The following NEBL variants were observed in gnomAD, a reference collection of about 807,000 sequenced individuals.
NEBL encodes the protein nebulette, also known as LIM and SH3 protein 2.
Under a neutral mutation model 140.2 loss-of-function variants are expected in NEBL, and 122 were observed. That is an observed-to-expected ratio of 0.87 (90% CI 0.75 to 1.01). The LOEUF is 1.01. Ranked by LOEUF, NEBL falls within the 50% of genes least tolerant of loss-of-function variation. NEBL has a pLI of 0.00. For synonymous variants in NEBL, 436 were observed against 398.9 expected, an observed-to-expected ratio of 1.09 and a Z score of -1.11; for missense variants, 1,365 against 1,231.3, an observed-to-expected ratio of 1.11 and a Z score of -1.62.
intron 3 of NEBL, among the ~76,000 whole-genome samples, chr10:21,225,072 C>T (rs1842125603): frequency 6.6e-6 from 1 of 152,100 alleles, no homozygotes; most frequent in Non-Finnish European, 1.5e-5. Context: ...GAATCCTTGT[C>T]ATGTTCCAGA....
chr10:21,258,282 G>A (rs189953502), intron 1 of NEBL, among the ~76,000 whole-genome samples: 73 of 152,276 alleles, frequency 4.8e-4, no homozygotes, highest in African/African-American at 1.7e-3. Context: ...GAAAACAGAG[G>A]TTGAGGCTGG....
chr10:20,811,171 G>C (rs1159651996), intron 24 of NEBL, among the ~76,000 whole-genome samples: 2 of 152,176 alleles, frequency 1.3e-5, no homozygotes, highest in Non-Finnish European at 2.9e-5. Context: ...CTGACTTCTG[G>C]ATTGCCAAGT....
intron 2 of NEBL, among the ~76,000 whole-genome samples, chr10:21,135,591 T>G (rs1281129861): frequency 6.6e-6 from 1 of 152,156 alleles, no homozygotes; most frequent in Non-Finnish European, 1.5e-5. Flanking sequence ...AAAGCGCTTT[T>G]CTGCTAAAGA....
intron 3 of NEBL, among the ~76,000 whole-genome samples, chr10:21,192,434 T>C (rs1185617660): frequency 1.3e-5 from 2 of 151,660 alleles, no homozygotes; most frequent in African/African-American, 2.4e-5. Flanking sequence ...CCTCATGATC[T>C]GCCTGCCTTG....
In NEBL at chr10:21,002,164, GT is replaced by G. The variant is rs199822950; in HGVS notation, c.249+17952del. On this transcript the variant is annotated intron_variant, in intron 3 of 6. Transcript: ENST00000417816. ...ATCCTTGATGTGGGAAGGAGGGAGGGTTTTTTTTTTTATGGTGATGAAACAT... is the reference window on the plus strand; with the variant it reads ...ATCCTTGATGTGGGAAGGAGGGAGGGTTTTTTTTTTATGGTGATGAAACAT... 7.7e-3 allele frequency among the ~76,000 whole-genome samples: 1,113 copies of G among 144,472 alleles called. 6 individuals carry two copies. The highest frequency in any genetic ancestry group is 0.024 in the African/African-American group (940 of 39,664). The allele number at this position is 144,472 out of a possible 152,430, so 94.8% of individuals were successfully genotyped here. A position where few individuals can be genotyped will look rare whatever the true frequency, so the allele number is the denominator to read the frequency against.
chr10:21,053,052 C>A (rs950644392), intron 2 of NEBL, among the ~76,000 whole-genome samples: 1 of 152,122 alleles, frequency 6.6e-6, no homozygotes, highest in South Asian at 2.1e-4. Flanking sequence ...GACAGATATC[C>A]TAATGCCTTG....
chr10:20,832,497 C>T (rs1389963649), intron 14 of NEBL, among the ~76,000 whole-genome samples: 1 of 152,000 alleles, frequency 6.6e-6, no homozygotes, highest in Admixed American at 6.6e-5. Context: ...CATAGACACA[C>T]ATGTCTTTAG....
At chr10:21,070,582 A>T (rs1835772990) in intron 2 of NEBL, among the ~76,000 whole-genome samples, 1 of 152,134 alleles carries the variant, frequency 6.6e-6, no homozygotes, top group Non-Finnish European at 1.5e-5. Context: ...AGATAACCTA[A>T]GTGGGCGATT....
At position 20,943,519 on chromosome 10, in the gene NEBL, A is replaced by G. The variant is rs529785421; in HGVS notation, c.357+18153T>C. Among the ~76,000 whole-genome samples the G allele has an allele frequency of 3.2e-4, 49 of 152,310 alleles. No individual in the cohort carries two copies. In the South Asian group the frequency reaches 8.9e-3, roughly 28 times the overall value. ...ACGAGTTAATGGGTGCAGCACACCA[A>G]CATGGCACATGTATACATATGCAAC... On this transcript the variant is annotated intron_variant, in intron 4 of 6. Transcript: ENST00000417816.
At chr10:21,175,050 C>A (rs1841267329), upstream of NEBL, 1 of 152,178 alleles carries the variant, frequency 6.6e-6, no homozygotes, top group South Asian at 2.1e-4. Flanking sequence ...GCCAGAAAAT[C>A]AAGTAGAAGG....
chr10:21,157,326 T>C (rs1316401407), intron 2 of NEBL, among the ~76,000 whole-genome samples: 1 of 152,154 alleles, frequency 6.6e-6, no homozygotes, highest in Non-Finnish European at 1.5e-5. Flanking sequence ...TCCCAGCACT[T>C]TGGGAGGCCG....
At chr10:21,222,371 T>G (rs1343739330) in intron 3 of NEBL, among the ~76,000 whole-genome samples, 1 of 152,168 alleles carries the variant, frequency 6.6e-6, no homozygotes, top group Non-Finnish European at 1.5e-5. Flanking sequence ...TTCCTTTAAA[T>G]TACGTATTTT....
chr10:20,896,887 C>G (rs1482599726), intron 2 of NEBL, 71 bp downstream of exon 2: 3 of 1,254,998 alleles, frequency 2.4e-6, no homozygotes, highest in Non-Finnish European at 3.5e-6. Flanking sequence ...CCCCACAGCT[C>G]TATGACTCTA....
At chr10:21,159,604 T>C (rs979929267) in intron 2 of NEBL, among the ~76,000 whole-genome samples, 2 of 152,216 alleles carry the variant, frequency 1.3e-5, no homozygotes, top group African/African-American at 4.8e-5. Context: ...CTTCAGCAGA[T>C]AACTCATTGA....
rs1157921869 is a variant in NEBL, at chr10:20,814,004, G to C, written c.2281C>G (p.Pro761Ala). The C allele has an allele frequency of 1.9e-6, 3 of 1,610,774 alleles. No homozygotes were observed. Among genetic ancestry groups the C allele is most frequent in the Admixed American group, 3.3e-5 (2 of 59,994 alleles). ...TQDHKQMKGR[P>A]SLILDTPAMR... ...GCAGGTGTATCTAAAATCAGACTTG[G>C]TCTACCTTTCATCTGTTTATGGTCC... The change falls in exon 23 of 28, where the codon CCA becomes GCA. Residue 761 changes from proline to alanine, a missense_variant. This residue lies in a region of NEBL where 1,323 missense variants were observed against 1,154.8 expected (regional missense o/e 1.15). Transcript: ENST00000377122.
chr10:20,864,012 C>T (rs1324643020), intron 7 of NEBL, among the ~76,000 whole-genome samples: 2 of 152,132 alleles, frequency 1.3e-5, no homozygotes, highest in East Asian at 3.8e-4. Context: ...CTGCTTACTA[C>T]TAAATTTTCA....
chr10:20,919,887 G>A (rs1413923636), intron 4 of NEBL, among the ~76,000 whole-genome samples: 1 of 152,092 alleles, frequency 6.6e-6, no homozygotes, highest in Admixed American at 6.6e-5. Flanking sequence ...AACCACCACT[G>A]CAAGCAAAAG....
intron 4 of NEBL, among the ~76,000 whole-genome samples, chr10:20,931,687 G>C (rs936415360): frequency 6.6e-5 from 10 of 152,228 alleles, no homozygotes; most frequent in East Asian, 3.9e-4. Flanking sequence ...GCAGAAGTTA[G>C]AGCCACCTGA....
chr10:20,780,432 C>T lies in NEBL; in HGVS notation c.*5315G>A, dbSNP rs1834956071. 6.6e-6 allele frequency: 1 copy of T among 152,178 alleles called. No individual in the cohort carries two copies. The highest frequency in any genetic ancestry group is 6.6e-5 in the Admixed American group (1 of 15,266). The allele number at this position is 152,178 out of a possible 1,614,324, so 9.4% of individuals were successfully genotyped here. On this transcript the variant is annotated 3_prime_UTR_variant, in exon 28 of 28. Coordinates refer to ENST00000377122, the MANE Select transcript of NEBL (RefSeq NM_006393.3). ...GCTTGGAGAAGCATAATATTGTTAT[C>T]ACTTACAACTAAGTTTATTTGGGGG...
Sources: gnomAD v4.1 joint callset for allele counts (sites outside exome capture counted in the v4.1 genomes callset) on GRCh38, gnomAD v4.1.1 for gene constraint, gnomAD v4.1.1 regional missense constraint, MANE v1.5 for transcripts, NCBI Gene and HGNC (gene_info 2026-07-23, HGNC 2026-07-21) for gene names.